PDSS2: variants seen among roughly 807,000 people sequenced by gnomAD.
PDSS2 encodes the protein decaprenyl diphosphate synthase subunit 2, also known as all trans-polyprenyl-diphosphate synthase PDSS2.
A neutral mutation model predicts 44.5 loss-of-function variants in PDSS2; 31 were observed. That is an observed-to-expected ratio of 0.70 (90% CI 0.52 to 0.94). PDSS2 has a LOEUF of 0.94. PDSS2 is among the 40% of genes least tolerant of loss of function. The probability of loss-of-function intolerance (pLI) is 0.00; values close to 1 mark genes in which losing one functional copy is unlikely to be tolerated. For synonymous variants in PDSS2, 157 were observed against 180.3 expected, an observed-to-expected ratio of 0.87 and a Z score of 1.03; for missense variants, 452 against 482.2, an observed-to-expected ratio of 0.94 and a Z score of 0.59.
intron 6 of PDSS2, among the ~76,000 whole-genome samples, chr6:107,209,626 G>A (rs1773128177): frequency 7.6e-6 from 1 of 132,066 alleles, no homozygotes; most frequent in Non-Finnish European, 1.6e-5. Context: ...GTTTCACTAT[G>A]TTGTTGGTCT....
At chr6:107,342,390 A>G (rs1171124061) in intron 1 of PDSS2, among the ~76,000 whole-genome samples, 1 of 152,146 alleles carries the variant, frequency 6.6e-6, no homozygotes, top group Non-Finnish European at 1.5e-5. Flanking sequence ...CCTAAATTGT[A>G]GTAAGTTCTT....
intron 6 of PDSS2, among the ~76,000 whole-genome samples, chr6:107,204,177 G>A (rs1174278046): frequency 6.6e-6 from 1 of 151,954 alleles, no homozygotes; most frequent in East Asian, 1.9e-4. Flanking sequence ...TCCTGACCTC[G>A]TGATCCGCCC....
chr6:107,196,834 A>C (rs1772578109), intron 6 of PDSS2, among the ~76,000 whole-genome samples: 1 of 152,188 alleles, frequency 6.6e-6, no homozygotes, highest in African/African-American at 2.4e-5. Flanking sequence ...CTTGATCACC[A>C]ATGGCCAATG....
At chr6:107,364,146 C>T (rs28825112) in intron 1 of PDSS2, among the ~76,000 whole-genome samples, 20,756 of 152,144 alleles carry the variant, frequency 0.14, 1,481 homozygotes, top group East Asian at 0.25. Context: ...AGACTCTCCA[C>T]GTCCCCACCA....
intron 1 of PDSS2, among the ~76,000 whole-genome samples, chr6:107,444,067 C>T (rs1472047204): frequency 2.6e-5 from 4 of 152,264 alleles, no homozygotes; most frequent in Admixed American, 2.6e-4. Flanking sequence ...CTCACTCTGT[C>T]GCCCAGGCTG....
At chr6:107,356,323 G>A (rs774279698) in intron 1 of PDSS2, among the ~76,000 whole-genome samples, 25 of 152,100 alleles carry the variant, frequency 1.6e-4, no homozygotes, top group Non-Finnish European at 2.4e-4. Flanking sequence ...TCTGAAGAAC[G>A]GACTGAAATA....
chr6:107,402,410 T>C (rs1412381789), intron 1 of PDSS2, among the ~76,000 whole-genome samples: 1 of 17,904 alleles, frequency 5.6e-5, no homozygotes, highest in Non-Finnish European at 1.3e-4. Flanking sequence ...ACAATAAAGA[T>C]ATACCAGAGA....
chr6:107,189,416 C>T (rs1772290386), intron 7 of PDSS2, among the ~76,000 whole-genome samples: 1 of 152,136 alleles, frequency 6.6e-6, no homozygotes, highest in African/African-American at 2.4e-5. Flanking sequence ...TGGCTCACTG[C>T]AACCTGTGCC....
At chr6:107,194,452 A>G (rs575854581) in intron 6 of PDSS2, among the ~76,000 whole-genome samples, 2 of 152,232 alleles carry the variant, frequency 1.3e-5, no homozygotes, top group Non-Finnish European at 2.9e-5. Flanking sequence ...GAAGACAAGG[A>G]TAGCTGTTTT....
chr6:107,252,957 C>T (rs1774874792), intron 3 of PDSS2, among the ~76,000 whole-genome samples: 1 of 152,186 alleles, frequency 6.6e-6, no homozygotes, highest in African/African-American at 2.4e-5. Flanking sequence ...CGTTAGGCCA[C>T]AGTTATACAT....
chr6:107,297,218 A>T (rs2115045382), intron 2 of PDSS2, among the ~76,000 whole-genome samples: 1 of 152,310 alleles, frequency 6.6e-6, no homozygotes, highest in African/African-American at 2.4e-5. Flanking sequence ...AATCTCAGTC[A>T]GTCTCAGATT....
intron 1 of PDSS2, among the ~76,000 whole-genome samples, chr6:107,374,390 A>G (rs1779220030): frequency 6.6e-6 from 1 of 152,192 alleles, no homozygotes; most frequent in Non-Finnish European, 1.5e-5. Context: ...CTGAACTGAT[A>G]TAATTTTTGC....
At chr6:107,343,237 A>G (rs1480055371) in intron 1 of PDSS2, among the ~76,000 whole-genome samples, 1 of 152,226 alleles carries the variant, frequency 6.6e-6, no homozygotes, top group African/African-American at 2.4e-5. Context: ...ATTCCTATTA[A>G]TGCTTATGAC....
chr6:107,294,107 A>G (rs1776432416), intron 2 of PDSS2, among the ~76,000 whole-genome samples: 1 of 152,166 alleles, frequency 6.6e-6, no homozygotes, highest in South Asian at 2.1e-4. Flanking sequence ...CCAGCTAAAT[A>G]ACAAGAGGCA....
intron 2 of PDSS2, among the ~76,000 whole-genome samples, chr6:107,310,704 T>C (rs1011846722): frequency 2.6e-5 from 4 of 152,154 alleles, no homozygotes; most frequent in Non-Finnish European, 5.9e-5. Context: ...GTCTCAACCA[T>C]CTGGCCCTGA....
intron 2 of PDSS2, among the ~76,000 whole-genome samples, chr6:107,305,550 A>G (rs973737936): frequency 1.3e-5 from 2 of 152,148 alleles, no homozygotes; most frequent in Non-Finnish European, 2.9e-5. Context: ...CTCATTTCCA[A>G]ATGGGATTAA....
intron 7 of PDSS2, among the ~76,000 whole-genome samples, chr6:107,179,958 ATGAC>A (rs1314530212): frequency 3.3e-5 from 5 of 152,222 alleles, no homozygotes; most frequent in Admixed American, 6.5e-5. Flanking sequence ...GGATTAGTGT[ATGAC>A]TGTGGAAATA....
At chr6:107,223,464 G>A (rs1436516176) in intron 4 of PDSS2, among the ~76,000 whole-genome samples, 10 of 151,032 alleles carry the variant, frequency 6.6e-5, no homozygotes, top group Admixed American at 1.3e-4. Context: ...CTGGGAGGGA[G>A]GTGGAGGTTG....
Position 107,441,987 on chromosome 6 carries a change from G to A in PDSS2, c.296+17003C>T, listed in dbSNP as rs537201890. On this transcript the variant is annotated intron_variant, in intron 1 of 7. Transcript: ENST00000369037. ...GCCATCCAAGGATAAAAGGCAGCCT[G>A]AGCCAAAACTTCCTGACAGCAGTGC... Among the ~76,000 whole-genome samples, 14 of 152,288 alleles carry A rather than the reference G, an allele frequency of 9.2e-5. No individual in the cohort carries two copies. The South Asian group carries it at 2.9e-3, about 32-fold the overall frequency.
Sources: allele counts gnomAD v4.1 joint callset (sites outside exome capture counted in the v4.1 genomes callset), GRCh38; gene constraint gnomAD v4.1.1; transcripts MANE v1.5; gene names NCBI Gene and HGNC (gene_info 2026-07-23, HGNC 2026-07-21).